TESK2: variants seen among roughly 807,000 people sequenced by gnomAD.
TESK2 encodes the protein dual specificity testis-specific protein kinase 2.
A neutral mutation model predicts 57.1 loss-of-function variants in TESK2; 39 were observed. That is an observed-to-expected ratio of 0.68 (90% CI 0.53 to 0.89). The LOEUF (loss-of-function observed/expected upper bound fraction) is 0.89, where lower values mean the gene tolerates loss of function less well. TESK2 is among the 40% of genes least tolerant of loss of function. TESK2 has a pLI of 0.00. For missense variants in TESK2, 646 were observed against 732.1 expected, an observed-to-expected ratio of 0.88 and a Z score of 1.36; for synonymous variants, 249 against 267.9, an observed-to-expected ratio of 0.93 and a Z score of 0.69.
chr1:45,440,717 A>T, intron 2 of TESK2, among the ~76,000 whole-genome samples: 1 of 143,064 alleles, frequency 7.0e-6, no homozygotes, highest in Admixed American at 6.8e-5. Context: ...CTCGGTCTCA[A>T]AAAAAAAAAA....
chr1:45,417,777 G>C (rs577610440), intron 3 of TESK2, among the ~76,000 whole-genome samples: 1 of 152,148 alleles, frequency 6.6e-6, no homozygotes, highest in Non-Finnish European at 1.5e-5. Context: ...ATTTTTAGTA[G>C]AGACGGGGTT....
intron 1 of TESK2, among the ~76,000 whole-genome samples, chr1:45,459,844 A>G (rs1652260177): frequency 6.6e-6 from 1 of 152,216 alleles, no homozygotes; most frequent in South Asian, 2.1e-4. Flanking sequence ...CCTTGTCTCA[A>G]AAAAATTTAG....
chr1:45,353,819 T>C (rs1278414662), intron 5 of TESK2, among the ~76,000 whole-genome samples: 1 of 152,226 alleles, frequency 6.6e-6, no homozygotes, highest in Non-Finnish European at 1.5e-5. Context: ...ATGAGGTGTC[T>C]GTTTTGTGGC....
intron 4 of TESK2, among the ~76,000 whole-genome samples, chr1:45,370,549 G>A (rs898133563): frequency 6.6e-6 from 1 of 152,168 alleles, no homozygotes; most frequent in Non-Finnish European, 1.5e-5. Flanking sequence ...ATTGTATTAT[G>A]AGAGCACATA....
intron 1 of TESK2, among the ~76,000 whole-genome samples, chr1:45,483,186 C>A (rs1380927642): frequency 1.3e-5 from 2 of 150,684 alleles, no homozygotes; most frequent in Non-Finnish European, 3.0e-5. Context: ...GAGGCTGAGG[C>A]AGGAGAATGG....
chr1:45,403,882 G>GAA lies in TESK2; in HGVS notation c.344+17841_344+17842dup, dbSNP rs562862639. ...CATTGCTCAAAACTGCCATGCAAGC[G>GAA]AAAAAAAAAAAAAAAAACAAGTCTC... On this transcript the variant is annotated intron_variant, in intron 3 of 10. Coordinates refer to ENST00000372086, the MANE Select transcript of TESK2 (RefSeq NM_007170.3). Among the ~76,000 whole-genome samples the GAA allele has an allele frequency of 7.9e-3, 669 of 84,808 alleles. 12 individuals carry two copies. The highest frequency in any genetic ancestry group is 0.019 in the African/African-American group (502 of 26,680). 55.6% of individuals were successfully genotyped at this position (84,808 alleles called of 152,430 possible). A position where few individuals can be genotyped will look rare whatever the true frequency, so the allele number is the denominator to read the frequency against.
Position 45,413,398 on chromosome 1 carries a change from G to C in TESK2, c.344+8327C>G, listed in dbSNP as rs552125432. Among the ~76,000 whole-genome samples, 63 of 152,176 alleles carry C rather than the reference G, an allele frequency of 4.1e-4. 1 individual carries two copies. The South Asian group carries it at 0.012, about 30-fold the overall frequency. On this transcript the variant is annotated intron_variant, in intron 3 of 10. Coordinates refer to ENST00000372086, the MANE Select transcript of TESK2 (RefSeq NM_007170.3). ...TAGGAGGTTGGGGTCAAGAAAAAGA[G>C]AACTACAAAGGTTCAGCTCACTCAC...
intron 2 of TESK2, among the ~76,000 whole-genome samples, chr1:45,449,242 A>G (rs1316385956): frequency 1.3e-5 from 2 of 151,918 alleles, no homozygotes; most frequent in East Asian, 1.9e-4. Flanking sequence ...AAAAGAAAAA[A>G]AAAAAGGAAT....
At chr1:45,422,212 C>A (rs951979026) in intron 2 of TESK2, among the ~76,000 whole-genome samples, 2 of 152,076 alleles carry the variant, frequency 1.3e-5, no homozygotes, top group African/African-American at 4.8e-5. Flanking sequence ...ACCAACACTG[C>A]ATGTTTTGAA....
intron 1 of TESK2, among the ~76,000 whole-genome samples, chr1:45,485,190 G>GTTTT (rs780419936): frequency 1.4e-5 from 2 of 141,294 alleles, no homozygotes. Context: ...TTTGTTTTTT[G>GTTTT]TTTTTTGTTT....
chr1:45,487,406 CA>C (rs1653530657), intron 1 of TESK2, among the ~76,000 whole-genome samples: 1 of 152,196 alleles, frequency 6.6e-6, no homozygotes, highest in African/African-American at 2.4e-5. Context: ...CTCCTCTGCT[CA>C]ATCTCCTGCT....
At chr1:45,430,017 T>C (rs137863461) in intron 2 of TESK2, among the ~76,000 whole-genome samples, 2 of 152,166 alleles carry the variant, frequency 1.3e-5, no homozygotes, top group African/African-American at 4.8e-5. Flanking sequence ...AAATGAAGAG[T>C]TGCTGGACTC....
At chr1:45,399,542 C>T (rs895784783) in intron 3 of TESK2, among the ~76,000 whole-genome samples, 32 of 152,028 alleles carry the variant, frequency 2.1e-4, no homozygotes, top group Non-Finnish European at 4.1e-4. Context: ...CTCAAACTCC[C>T]GACCTCAGGT....
At chr1:45,470,345 C>G (rs781057) in intron 1 of TESK2, among the ~76,000 whole-genome samples, 30,869 of 152,030 alleles carry the variant, frequency 0.2, 3,435 homozygotes, top group Non-Finnish European at 0.26. Flanking sequence ...TTTCTATGGA[C>G]CAACACAGCT....
At chr1:45,363,907 A>T (rs779803849) in intron 4 of TESK2, among the ~76,000 whole-genome samples, 2 of 152,196 alleles carry the variant, frequency 1.3e-5, no homozygotes, top group Non-Finnish European at 2.9e-5. Context: ...AATGGGAATA[A>T]TAATAGTGCC....
chr1:45,455,838 TC>T (rs2149299307), intron 2 of TESK2, among the ~76,000 whole-genome samples: 1 of 152,058 alleles, frequency 6.6e-6, no homozygotes, highest in South Asian at 2.1e-4. Context: ...TAGAGACAAC[TC>T]TATGGAGTTG....
chr1:45,398,414 G>A (rs546611476), intron 3 of TESK2, among the ~76,000 whole-genome samples: 2 of 152,100 alleles, frequency 1.3e-5, no homozygotes, highest in Admixed American at 1.3e-4. Context: ...GTGTGGTGGC[G>A]TGCACCTGTA....
intron 3 of TESK2, among the ~76,000 whole-genome samples, chr1:45,403,882 G>GA (rs562862639): frequency 0.42 from 35,757 of 84,588 alleles, 6,049 homozygotes; most frequent in African/African-American, 0.53. Context: ...CCATGCAAGC[G>GA]AAAAAAAAAA....
chr1:45,461,741 C>T (rs982484644), intron 1 of TESK2, among the ~76,000 whole-genome samples: 2 of 152,112 alleles, frequency 1.3e-5, no homozygotes, highest in Non-Finnish European at 2.9e-5. Context: ...CTGAACAATT[C>T]GATGTTTGCC....
Sources: gnomAD v4.1 joint callset for allele counts (sites outside exome capture counted in the v4.1 genomes callset) on GRCh38, gnomAD v4.1.1 for gene constraint, MANE v1.5 for transcripts, NCBI Gene and HGNC (gene_info 2026-07-23, HGNC 2026-07-21) for gene names.